Variants in THSD7B observed in about 807,000 individuals in gnomAD.
THSD7B encodes the protein thrombospondin type 1 domain containing 7B, also known as thrombospondin type-1 domain-containing protein 7B.
THSD7B carries 138 observed loss-of-function variants against 213.6 expected under a neutral mutation model. The ratio of observed to expected loss-of-function variants is 0.65; its 90% confidence interval spans 0.56 to 0.74. The LOEUF is 0.74. Ranked by LOEUF, THSD7B falls within the 30% of genes least tolerant of loss-of-function variation. The pLI is 0.00. For synonymous variants in THSD7B, 742 were observed against 687.0 expected, an observed-to-expected ratio of 1.08 and a Z score of -1.25; for missense variants, 1,931 against 1,991.5, an observed-to-expected ratio of 0.97 and a Z score of 0.58.
At chr2:137,356,947 T>G (rs987996521) in intron 12 of THSD7B, among the ~76,000 whole-genome samples, 4 of 113,742 alleles carry the variant, frequency 3.5e-5, no homozygotes, top group African/African-American at 9.2e-5. Context: ...CACACACACA[T>G]ACACACACAC....
At chr2:137,543,795 A>G (rs1025993729) in intron 15 of THSD7B, among the ~76,000 whole-genome samples, 28 of 151,776 alleles carry the variant, frequency 1.8e-4, no homozygotes, top group African/African-American at 6.8e-4. Flanking sequence ...TGATTAATAA[A>G]TGGGCTCAGG....
chr2:137,215,706 G>A (rs1558961738), intron 7 of THSD7B, among the ~76,000 whole-genome samples: 1 of 152,116 alleles, frequency 6.6e-6, no homozygotes, highest in Non-Finnish European at 1.5e-5. Context: ...TTAAGACATT[G>A]GCCAAGTTTG....
intron 12 of THSD7B, among the ~76,000 whole-genome samples, chr2:137,342,636 AGCTGTGG>A (rs1168939467): frequency 6.6e-6 from 1 of 151,652 alleles, no homozygotes; most frequent in Admixed American, 6.6e-5. Flanking sequence ...ATATAATATT[AGCTGTGG>A]GCTTCTCATA....
At chr2:137,450,658 G>A (rs543440137) in intron 14 of THSD7B, among the ~76,000 whole-genome samples, 187 bp from the exon 15 acceptor site, 1 of 152,236 alleles carries the variant, frequency 6.6e-6, no homozygotes, top group African/African-American at 2.4e-5. Flanking sequence ...GAACAGAGTG[G>A]CACAAATTTG....
intron 5 of THSD7B, among the ~76,000 whole-genome samples, chr2:137,134,204 G>A (rs140999929): frequency 2.4e-4 from 37 of 152,308 alleles, no homozygotes; most frequent in African/African-American, 8.9e-4. Context: ...AGTCACAATG[G>A]TAGAGCTGGA....
intron 12 of THSD7B, among the ~76,000 whole-genome samples, chr2:137,390,252 T>A (rs1685990012): frequency 6.6e-6 from 1 of 152,158 alleles, no homozygotes; most frequent in Admixed American, 6.5e-5. Context: ...TCTTATAGAG[T>A]TAGTTCACCT....
intron 12 of THSD7B, among the ~76,000 whole-genome samples, chr2:137,328,092 C>T (rs2104888662): frequency 6.6e-6 from 1 of 152,294 alleles, no homozygotes; most frequent in South Asian, 2.1e-4. Flanking sequence ...TTCTCCTTTA[C>T]AAGGGGGACA....
At chr2:137,499,008 C>T (rs1294772746) in intron 15 of THSD7B, among the ~76,000 whole-genome samples, 11 of 152,140 alleles carry the variant, frequency 7.2e-5, no homozygotes, top group Admixed American at 6.5e-5. Flanking sequence ...CAAGGAGGTA[C>T]AGGATCTCCC....
chr2:137,271,720 A>C (rs1301178552), intron 10 of THSD7B, among the ~76,000 whole-genome samples: 2 of 151,832 alleles, frequency 1.3e-5, no homozygotes, highest in Non-Finnish European at 2.9e-5. Context: ...GCTTAATTAT[A>C]AGTTCTGTAG....
chr2:137,447,101 C>T (rs1220435805), intron 14 of THSD7B, among the ~76,000 whole-genome samples: 1 of 152,018 alleles, frequency 6.6e-6, no homozygotes, highest in Non-Finnish European at 1.5e-5. Context: ...AAATAAATGT[C>T]ACTGTTGCTT....
At chr2:137,604,098 C>A (rs1262845034) in intron 17 of THSD7B, among the ~76,000 whole-genome samples, 4 of 150,490 alleles carry the variant, frequency 2.7e-5, no homozygotes, top group African/African-American at 9.8e-5. Context: ...GACTCTATCT[C>A]GAAAAAAAAT....
intron 15 of THSD7B, among the ~76,000 whole-genome samples, chr2:137,465,265 G>A (rs1687970104): frequency 6.6e-6 from 1 of 151,700 alleles, no homozygotes; most frequent in African/African-American, 2.4e-5. Flanking sequence ...AAAAAAAAGA[G>A]TACCTGGCTG....
chr2:136,944,634 T>C (rs747475640), intron 2 of THSD7B, among the ~76,000 whole-genome samples: 2 of 152,182 alleles, frequency 1.3e-5, no homozygotes, highest in South Asian at 2.1e-4. Context: ...TTTACCATTA[T>C]GTAATGGCCT....
At chr2:137,083,176 T>C (rs1297342660) in intron 3 of THSD7B, among the ~76,000 whole-genome samples, 1 of 152,098 alleles carries the variant, frequency 6.6e-6, no homozygotes, top group Admixed American at 6.5e-5. Flanking sequence ...AAAGGCTATG[T>C]AACTCAAGCA....
chr2:137,575,660 A>C (rs1681442706), intron 17 of THSD7B, among the ~76,000 whole-genome samples: 1 of 151,312 alleles, frequency 6.6e-6, no homozygotes, highest in Non-Finnish European at 1.5e-5. Flanking sequence ...AGGAATTTGA[A>C]GAAAATGAAA....
chr2:137,330,062 C>T (rs1168572014), intron 12 of THSD7B, among the ~76,000 whole-genome samples: 1 of 152,188 alleles, frequency 6.6e-6, no homozygotes, highest in Non-Finnish European at 1.5e-5. Context: ...TAAACCTTGG[C>T]AGCTTCCATG....
intron 12 of THSD7B, among the ~76,000 whole-genome samples, chr2:137,313,911 C>A (rs1684001818): frequency 6.6e-6 from 1 of 152,074 alleles, no homozygotes. Context: ...TGAGCGTAAC[C>A]CGACCTTTCT....
chr2:136,819,510 T>A (rs1453516476), intron 1 of THSD7B, among the ~76,000 whole-genome samples: 1 of 152,142 alleles, frequency 6.6e-6, no homozygotes, highest in African/African-American at 2.4e-5. Flanking sequence ...CCAGGTAATG[T>A]CCATAACCTT....
chr2:137,026,640 G>C (rs967061119), intron 2 of THSD7B, among the ~76,000 whole-genome samples: 1 of 151,986 alleles, frequency 6.6e-6, no homozygotes, highest in East Asian at 1.9e-4. Context: ...AGTCTGCTTT[G>C]CTTCTTTGCT....
Sources: allele counts gnomAD v4.1 joint callset (sites outside exome capture counted in the v4.1 genomes callset), GRCh38; gene constraint gnomAD v4.1.1; transcripts MANE v1.5; gene names NCBI Gene and HGNC (gene_info 2026-07-23, HGNC 2026-07-21).